MCTP1: variants seen among roughly 807,000 people sequenced by gnomAD.
The protein encoded by MCTP1 is multiple C2 and transmembrane domain containing 1, also known as multiple C2 and transmembrane domain-containing protein 1.
In MCTP1, 69 loss-of-function variants were observed where a neutral mutation model predicts 120.6. The observed-to-expected ratio is 0.57, with a 90% CI of 0.47 to 0.70. The LOEUF is 0.70. MCTP1 is among the 30% of genes least tolerant of loss of function. The pLI is 0.00. For synonymous variants in MCTP1, 529 were observed against 493.1 expected, an observed-to-expected ratio of 1.07 and a Z score of -0.96; for missense variants, 1,203 against 1,248.8, an observed-to-expected ratio of 0.96 and a Z score of 0.55.
intron 2 of MCTP1, among the ~76,000 whole-genome samples, chr5:94,976,431 C>T (rs1184057227): frequency 3.3e-5 from 5 of 152,002 alleles, no homozygotes; most frequent in Non-Finnish European, 7.4e-5. Flanking sequence ...TTCTGGGCTT[C>T]ACAGCAAGAC....
At chr5:94,729,244 C>T (rs2152690847) in intron 19 of MCTP1, among the ~76,000 whole-genome samples, 1 of 152,234 alleles carries the variant, frequency 6.6e-6, no homozygotes, top group East Asian at 1.9e-4. Flanking sequence ...TAGAGTGTGG[C>T]AGACATGAGC....
At chr5:95,186,683 T>C (rs1749243516) in intron 1 of MCTP1, among the ~76,000 whole-genome samples, 1 of 152,162 alleles carries the variant, frequency 6.6e-6, no homozygotes, top group South Asian at 2.1e-4. Flanking sequence ...AGCCCTATAA[T>C]AGCTAAAAGA....
At chr5:95,038,195 A>G in intron 1 of MCTP1, 1 of 734,672 alleles carries the variant, frequency 1.4e-6, no homozygotes, top group Non-Finnish European at 1.7e-6. Flanking sequence ...TAACTAAAAC[A>G]TGAACATGGA....
At chr5:95,214,111 C>G (rs1299454941) in intron 1 of MCTP1, among the ~76,000 whole-genome samples, 2 of 152,274 alleles carry the variant, frequency 1.3e-5, no homozygotes, top group East Asian at 1.9e-4. Context: ...TGGCAACCTA[C>G]TCATTTGACA....
At position 94,911,809 on chromosome 5, in the gene MCTP1, T is replaced by C. The variant is rs138325660; in HGVS notation, c.1521+997A>G. The stretch of plus-strand genomic sequence containing the variant: ...TTGTTTAATACATTATTACTACTAC[T>C]ATAATTGATACTATACGATATACTT... On this transcript the variant is annotated intron_variant, in intron 9 of 22. Coordinates refer to ENST00000515393, the MANE Select transcript of MCTP1 (RefSeq NM_024717.7). Among the ~76,000 whole-genome samples, 782 of 152,310 alleles carry C rather than the reference T, an allele frequency of 5.1e-3. 6 individuals carry two copies. The highest frequency in any genetic ancestry group is 0.031 in the Middle Eastern group (9 of 294).
intron 1 of MCTP1, among the ~76,000 whole-genome samples, chr5:95,249,707 C>T (rs991163930): frequency 2.0e-5 from 3 of 152,090 alleles, no homozygotes; most frequent in South Asian, 2.1e-4. Flanking sequence ...CTCTTGCACA[C>T]GTATGTTTAC....
intron 1 of MCTP1, chr5:95,081,612 G>A (rs891631064): frequency 2.9e-5 from 40 of 1,398,998 alleles, no homozygotes; most frequent in Non-Finnish European, 3.4e-5. Context: ...CCTGCACGGA[G>A]CACTTGCTGC....
At chr5:94,880,960 TCTG>T (rs1157299953) in intron 12 of MCTP1, among the ~76,000 whole-genome samples, 1 of 152,134 alleles carries the variant, frequency 6.6e-6, no homozygotes, top group Non-Finnish European at 1.5e-5. Flanking sequence ...ATGTTCATTA[TCTG>T]CTGTCCTCTG....
chr5:95,036,412 G>A (rs962255185), intron 1 of MCTP1, among the ~76,000 whole-genome samples: 3 of 152,092 alleles, frequency 2.0e-5, no homozygotes, highest in South Asian at 2.1e-4. Context: ...ATGGATTTAC[G>A]TCTACAAAAC....
At chr5:94,933,030 C>G (rs144235031) in intron 5 of MCTP1, among the ~76,000 whole-genome samples, 1 of 151,898 alleles carries the variant, frequency 6.6e-6, no homozygotes, top group Non-Finnish European at 1.5e-5. Flanking sequence ...AGGGTAAAAA[C>G]TAAGACTAGC....
intron 1 of MCTP1, among the ~76,000 whole-genome samples, chr5:95,271,055 A>G (rs186671074): frequency 6.6e-6 from 1 of 152,340 alleles, no homozygotes. Flanking sequence ...AAACCAGCTC[A>G]CACAACAAAT....
chr5:94,907,806 G>A (rs906718227), intron 10 of MCTP1, among the ~76,000 whole-genome samples: 3 of 151,634 alleles, frequency 2.0e-5, no homozygotes, highest in Non-Finnish European at 2.9e-5. Flanking sequence ...ATAGAGAGAA[G>A]AAGGGATATG....
chr5:94,891,747 AAAATAAAT>A (rs66803101), intron 11 of MCTP1, among the ~76,000 whole-genome samples: 20,261 of 148,350 alleles, frequency 0.14, 1,440 homozygotes, highest in African/African-American at 0.15. Flanking sequence ...ATAAGAAGTA[AAAATAAAT>A]AAATAAATAA....
At chr5:94,732,610 T>G (rs1222967053) in intron 19 of MCTP1, among the ~76,000 whole-genome samples, 1 of 152,216 alleles carries the variant, frequency 6.6e-6, no homozygotes, top group Non-Finnish European at 1.5e-5. Flanking sequence ...ATCTCCAATC[T>G]TATGATATTT....
intron 19 of MCTP1, among the ~76,000 whole-genome samples, chr5:94,764,736 AAT>A (rs1772152794): frequency 6.6e-6 from 1 of 151,910 alleles, no homozygotes; most frequent in African/African-American, 2.4e-5. Context: ...ACATAAAACA[AAT>A]ATTAGATCTA....
intron 1 of MCTP1, among the ~76,000 whole-genome samples, chr5:95,046,797 C>T (rs771201716): frequency 7.3e-4 from 111 of 152,148 alleles, no homozygotes; most frequent in African/African-American, 2.6e-3. Flanking sequence ...CTTGACCACA[C>T]GTATCTGTTT....
chr5:95,005,773 T>TCC (rs1461625758), intron 2 of MCTP1, among the ~76,000 whole-genome samples: 1 of 136,568 alleles, frequency 7.3e-6, no homozygotes, highest in South Asian at 2.3e-4. Context: ...TTTCTTTATT[T>TCC]TTTTTTTTTT....
chr5:95,240,068 T>C (rs1012452081), intron 1 of MCTP1, among the ~76,000 whole-genome samples: 1 of 152,064 alleles, frequency 6.6e-6, no homozygotes, highest in African/African-American at 2.4e-5. Flanking sequence ...TTTTATAATA[T>C]ATATTTATTT....
chr5:95,119,662 A>G (rs1292699296), intron 1 of MCTP1, among the ~76,000 whole-genome samples: 4 of 152,222 alleles, frequency 2.6e-5, no homozygotes, highest in African/African-American at 7.2e-5. Context: ...ACTCAAATAA[A>G]TAAAATCAAC....
Sources: gnomAD v4.1 joint callset for allele counts (sites outside exome capture counted in the v4.1 genomes callset) on GRCh38, gnomAD v4.1.1 for gene constraint, MANE v1.5 for transcripts, NCBI Gene and HGNC (gene_info 2026-07-23, HGNC 2026-07-21) for gene names.